The following UPF2 variants were observed in gnomAD, a reference collection of about 807,000 sequenced individuals.
UPF2 encodes the protein UPF2 regulator of nonsense mediated mRNA decay, also known as regulator of nonsense transcripts 2.
A neutral mutation model predicts 141.4 loss-of-function variants in UPF2; 17 were observed. The ratio of observed to expected loss-of-function variants is 0.12; its 90% CI spans 0.08 to 0.18. UPF2 has a LOEUF of 0.18. Ranked by LOEUF, UPF2 falls within the 10% of genes least tolerant of loss-of-function variation. UPF2 has a pLI of 1.00. For missense variants in UPF2, 1,152 were observed against 1,515.9 expected (o/e 0.76, Z 3.99); for synonymous variants, 540 against 498.0 (o/e 1.08, Z -1.12).
At chr10:11,963,935 G>C in intron 11 of UPF2, 74 bp downstream of exon 11, 1 of 1,033,058 alleles carries the variant, frequency 9.7e-7, no homozygotes, top group Non-Finnish European at 1.5e-6. Flanking sequence ...ACCAGCACTG[G>C]TCAATATTTT....
At chr10:11,925,918 A>G (rs982573470) in intron 21 of UPF2, among the ~76,000 whole-genome samples, 1 of 152,226 alleles carries the variant, frequency 6.6e-6, no homozygotes, top group Non-Finnish European at 1.5e-5. Flanking sequence ...GAGCCATTGG[A>G]TGATTTTAAG....
chr10:11,985,544 G>A (rs555951403), intron 8 of UPF2, among the ~76,000 whole-genome samples: 3 of 151,748 alleles, frequency 2.0e-5, no homozygotes, highest in Non-Finnish European at 4.4e-5. Context: ...GGCTGAGGCA[G>A]GAGAATGGCG....
chr10:11,986,099 T>G (rs1375751250), intron 8 of UPF2, among the ~76,000 whole-genome samples: 1 of 151,798 alleles, frequency 6.6e-6, no homozygotes, highest in Non-Finnish European at 1.5e-5. Context: ...ATAGCCAGGA[T>G]GGTCTCGATC....
intron 16 of UPF2, among the ~76,000 whole-genome samples, chr10:11,946,583 T>C (rs988056554): frequency 2.0e-5 from 3 of 152,252 alleles, no homozygotes; most frequent in Admixed American, 6.5e-5. Flanking sequence ...GAAAAACTGC[T>C]AATTTCATGA....
rs139152072 is a variant in UPF2, at chr10:11,998,256, G to GCT, written c.1759-501_1759-500dup. ...TCTCTTCACAAGTGCAGGAAATGGC[G>GCT]CTCTCTCTCTCTCTCCAAGATGCCT... On this transcript the variant is annotated intron_variant, in intron 7 of 21. Coordinates refer to ENST00000357604, the MANE Select transcript of UPF2 (RefSeq NM_015542.4). This position sits in a 1 kb window ranked among gnomAD's most constrained non-coding sequence, Gnocchi z 4.5. 2.4e-4 allele frequency among the ~76,000 whole-genome samples: 36 copies of GCT among 151,354 alleles called. No homozygotes were observed. The highest frequency in any genetic ancestry group is 1.2e-3 in the East Asian group (6 of 5,156).
At position 12,029,170 on chromosome 10, in the gene UPF2, A is replaced by C. The variant is rs199714229; in HGVS notation, c.720T>G (p.Leu240=). 804 of 1,614,188 alleles carry C rather than the reference A, an allele frequency of 5.0e-4. No homozygotes were observed. The highest frequency in any genetic ancestry group is 6.4e-4 in the Non-Finnish European group (761 of 1,180,038). Residue 240 remains leucine, a synonymous_variant, in exon 3 of 22, where the codon CTT becomes CTG. Transcript: ENST00000357604. ...HQRYADFAPS[L]LQVWKKHFEA... is the part of the protein sequence containing the mutation. ...CAAAATGTTTTTTCCAGACCTGAAG[A>C]AGTGATGGGGCAAAGTCAGCATAAC...
intron 4 of UPF2, 47 bp downstream of exon 4, chr10:12,013,977 C>A (rs1405592960): frequency 2.1e-6 from 3 of 1,428,182 alleles, no homozygotes. Context: ...AGGTAAGTGA[C>A]AGTGCTTACA....
rs1217216942 is a variant in UPF2, at chr10:11,959,396, CTAAGATTCCTT to C, written c.2185-51_2185-41del. ...CCAAATTAATCAAAACACGTTCCTTCTAAGATTCCTTTACTCCTAACTAAACTTCTATTCTC... is the reference window on the plus strand; with the variant it reads ...CCAAATTAATCAAAACACGTTCCTTCTACTCCTAACTAAACTTCTATTCTC... On this transcript the variant is annotated intron_variant, in intron 11 of 21. Coordinates refer to ENST00000357604, the MANE Select transcript of UPF2 (RefSeq NM_015542.4). This position sits in a 1 kb window ranked among gnomAD's most constrained non-coding sequence, Gnocchi z 5.9. 6.6e-7 allele frequency: 1 copy of C among 1,516,362 alleles called. No homozygotes were observed. The highest frequency in any genetic ancestry group is 2.3e-5 in the Admixed American group (1 of 43,378). The allele number at this position is 1,516,362 out of a possible 1,614,324, so 93.9% of individuals were successfully genotyped here.
At chr10:11,938,873 T>TTTTTTTTTG (rs1564337907) in intron 18 of UPF2, among the ~76,000 whole-genome samples, 1 of 108,502 alleles carries the variant, frequency 9.2e-6, no homozygotes, top group Non-Finnish European at 1.9e-5. Flanking sequence ...TTTTTTTTTT[T>TTTTTTTTTG]TTTTTTTTTG....
chr10:11,929,698 T>A (rs1010523718), intron 21 of UPF2, among the ~76,000 whole-genome samples, 167 bp downstream of exon 21: 3 of 152,002 alleles, frequency 2.0e-5, no homozygotes, highest in African/African-American at 7.2e-5. Context: ...ATAAAGCAGG[T>A]TTTTCCCCCT....
At chr10:11,944,764 T>C (rs1244636196) in intron 16 of UPF2, among the ~76,000 whole-genome samples, 1 of 152,240 alleles carries the variant, frequency 6.6e-6, no homozygotes, top group Non-Finnish European at 1.5e-5. Context: ...ATTAAGATTT[T>C]GAACAAGAAT....
intron 8 of UPF2, among the ~76,000 whole-genome samples, chr10:11,995,673 C>T (rs866972892): frequency 1.3e-5 from 2 of 152,052 alleles, no homozygotes; most frequent in Non-Finnish European, 2.9e-5. Context: ...GTCCCAGCTA[C>T]TCGGGAGGCT....
At chr10:11,986,956 CTGA>C (rs1427961766) in intron 8 of UPF2, among the ~76,000 whole-genome samples, 1 of 152,204 alleles carries the variant, frequency 6.6e-6, no homozygotes, top group Non-Finnish European at 1.5e-5. Context: ...CACTTCACCT[CTGA>C]AGAGTATTCT....
Position 12,037,301 on chromosome 10 carries a change from C to T in UPF2, c.-18-1860G>A, listed in dbSNP as rs537694630. On this transcript the variant is annotated intron_variant, in intron 1 of 21. Coordinates refer to ENST00000357604, the MANE Select transcript of UPF2 (RefSeq NM_015542.4). Reference sequence around the variant, plus strand: ...TTCCCCATGTTGACTAGGCTGGTCTCGAAATCCTGAGTTTAAGTGATCCAT... The same window carrying T: ...TTCCCCATGTTGACTAGGCTGGTCTTGAAATCCTGAGTTTAAGTGATCCAT... 7.2e-5 allele frequency among the ~76,000 whole-genome samples: 11 copies of T among 152,048 alleles called. No individual in the cohort carries two copies. The East Asian group carries it at 2.1e-3, about 29-fold the overall frequency.
chr10:11,985,313 T>C (rs916216975), intron 8 of UPF2, among the ~76,000 whole-genome samples: 3 of 152,162 alleles, frequency 2.0e-5, no homozygotes, highest in African/African-American at 4.8e-5. Context: ...TAATCAATTA[T>C]ATAGTTATTC....
intron 8 of UPF2, among the ~76,000 whole-genome samples, chr10:11,981,986 T>C: frequency 6.6e-6 from 1 of 151,782 alleles, no homozygotes; most frequent in East Asian, 1.9e-4. Flanking sequence ...GCCCAGCCCC[T>C]ATAAGTTACG....
intron 3 of UPF2, among the ~76,000 whole-genome samples, chr10:12,020,109 A>C (rs1393543215): frequency 6.6e-6 from 1 of 152,130 alleles, no homozygotes; most frequent in African/African-American, 2.4e-5. Flanking sequence ...ATACATCATA[A>C]ATAAAATTCA....
chr10:12,029,572 C>A (rs1323134240), intron 2 of UPF2, 48 bp from the exon 3 acceptor site: 2 of 1,507,494 alleles, frequency 1.3e-6, no homozygotes, highest in South Asian at 2.7e-5. Flanking sequence ...CATTTTGAAG[C>A]ATTATACACA....
chr10:11,997,790 A>G (rs757363528), intron 7 of UPF2, 33 bp from the exon 8 acceptor site: 12 of 1,583,988 alleles, frequency 7.6e-6, no homozygotes, highest in Admixed American at 5.0e-5. Flanking sequence ...TTCTTTAAAA[A>G]CCTCTAATTA....
Sources: allele counts gnomAD v4.1 joint callset (sites outside exome capture counted in the v4.1 genomes callset), GRCh38; gene constraint gnomAD v4.1.1; non-coding constraint Gnocchi (gnomAD v3.1); transcripts MANE v1.5; gene names NCBI Gene and HGNC (gene_info 2026-07-23, HGNC 2026-07-21).